The following KHDRBS3 variants were observed in gnomAD, a reference collection of about 807,000 sequenced individuals.
KHDRBS3 encodes the protein KH RNA binding domain containing, signal transduction associated 3.
A neutral mutation model predicts 45.6 loss-of-function variants in KHDRBS3; 23 were observed. The observed-to-expected ratio is 0.50, with a 90% confidence interval of 0.36 to 0.72. KHDRBS3 has a LOEUF of 0.72. KHDRBS3 is among the 30% of genes least tolerant of loss of function. KHDRBS3 has a pLI of 0.00. For missense variants in KHDRBS3, 352 were observed against 424.8 expected (o/e 0.83, Z 1.51); for synonymous variants, 162 against 156.5 (o/e 1.04, Z -0.26).
intron 1 of KHDRBS3, among the ~76,000 whole-genome samples, chr8:135,501,489 G>A (rs1823732920): frequency 6.6e-6 from 1 of 152,100 alleles, no homozygotes; most frequent in Non-Finnish European, 1.5e-5. Context: ...AACTTAAAAG[G>A]TATCAAAGAA....
At chr8:135,567,058 A>G (rs1047027326) in intron 5 of KHDRBS3, among the ~76,000 whole-genome samples, 12 of 152,170 alleles carry the variant, frequency 7.9e-5, no homozygotes, top group South Asian at 2.1e-4. Flanking sequence ...CCTCTGAATT[A>G]ACTGCCTGCA....
intron 1 of KHDRBS3, among the ~76,000 whole-genome samples, chr8:135,471,596 A>G (rs760639020): frequency 1.6e-4 from 24 of 152,238 alleles, no homozygotes; most frequent in Non-Finnish European, 2.2e-4. Context: ...TGCTGCATGG[A>G]GCTTTGTTAT....
chr8:135,615,917 C>G (rs1248227285), intron 7 of KHDRBS3, among the ~76,000 whole-genome samples: 1 of 152,188 alleles, frequency 6.6e-6, no homozygotes, highest in African/African-American at 2.4e-5. Flanking sequence ...AGAAGCAAGA[C>G]TGAGCTTCTC....
At chr8:135,650,393 C>A (rs190348991), downstream of KHDRBS3, among the ~76,000 whole-genome samples, 1 of 152,262 alleles carries the variant, frequency 6.6e-6, no homozygotes, top group African/African-American at 2.4e-5. Context: ...TTTATATTTC[C>A]TCATTTTAGT....
chr8:135,457,823 C>G lies in KHDRBS3; in HGVS notation c.-44C>G, dbSNP rs760802966. The stretch of plus-strand genomic sequence containing the variant: ...GTCGGGGGTTGCCGGGCGCCGCCCC[C>G]CGTGCGCCTGGAGTCCACATCCCGG... On this transcript the variant is annotated 5_prime_UTR_variant, in exon 1 of 9. Transcript: ENST00000355849. The surrounding 1 kb of genome is among the most constrained non-coding windows in gnomAD (Gnocchi z 4.4). 1.5e-6 allele frequency: 2 copies of G among 1,370,790 alleles called. No homozygotes were observed. Among genetic ancestry groups the G allele is most frequent in the Non-Finnish European group, 9.8e-7 (1 of 1,019,720 alleles). The allele number at this position is 1,370,790 out of a possible 1,614,324, so 84.9% of individuals were successfully genotyped here.
chr8:135,501,561 A>G (rs1454891460), intron 1 of KHDRBS3, among the ~76,000 whole-genome samples: 1 of 151,928 alleles, frequency 6.6e-6, no homozygotes, highest in Non-Finnish European at 1.5e-5. Flanking sequence ...TTGAGCTGGA[A>G]GTAAGATTAG....
chr8:135,580,605 C>CTTTTTTTTTTTTTTTT (rs11405340), intron 5 of KHDRBS3, among the ~76,000 whole-genome samples: 1 of 128,874 alleles, frequency 7.8e-6, no homozygotes. Context: ...CTCTCTCTCT[C>CTTTTTTTTTTTTTTTT]TTTTTTTTTT....
intron 7 of KHDRBS3, among the ~76,000 whole-genome samples, chr8:135,608,029 G>A (rs1829543481): frequency 6.6e-6 from 1 of 152,076 alleles, no homozygotes. Context: ...TGTGCCCTTT[G>A]GTGTGTTGAG....
intron 1 of KHDRBS3, among the ~76,000 whole-genome samples, chr8:135,492,801 A>G (rs888879665): frequency 2.6e-5 from 4 of 152,066 alleles, no homozygotes; most frequent in African/African-American, 7.2e-5. Flanking sequence ...TGTATGCAAG[A>G]TCCTTTTGCA....
chr8:135,600,665 T>A (rs550042064), intron 6 of KHDRBS3, among the ~76,000 whole-genome samples: 10 of 152,320 alleles, frequency 6.6e-5, no homozygotes, highest in African/African-American at 2.4e-4. Context: ...ATCTTTGCAG[T>A]ACATTTTGAC....
intron 1 of KHDRBS3, among the ~76,000 whole-genome samples, chr8:135,462,415 C>A (rs377476262): frequency 1.1e-3 from 168 of 151,934 alleles, no homozygotes; most frequent in African/African-American, 3.7e-3. Context: ...TGTGTTGGGT[C>A]CCAGGGGTAG....
chr8:135,467,209 T>C (rs1416309895), intron 1 of KHDRBS3, among the ~76,000 whole-genome samples: 1 of 152,262 alleles, frequency 6.6e-6, no homozygotes, highest in African/African-American at 2.4e-5. Context: ...TAACATAGAA[T>C]ATATTCGTTG....
chr8:135,631,963 A>G (rs1830622794), intron 7 of KHDRBS3, among the ~76,000 whole-genome samples: 1 of 152,224 alleles, frequency 6.6e-6, no homozygotes, highest in African/African-American at 2.4e-5. Context: ...CTACAGCGAT[A>G]GAAATATTTC....
chr8:135,469,518 TTTTGG>T (rs1563699623), intron 1 of KHDRBS3, among the ~76,000 whole-genome samples: 3 of 18,584 alleles, frequency 1.6e-4, no homozygotes, highest in Non-Finnish European at 2.4e-4. Flanking sequence ...TTTTTTTTTG[TTTTGG>T]TTTTTTTTTT....
At chr8:135,475,989 C>T (rs1822261404) in intron 1 of KHDRBS3, among the ~76,000 whole-genome samples, 1 of 152,114 alleles carries the variant, frequency 6.6e-6, no homozygotes, top group Non-Finnish European at 1.5e-5. Flanking sequence ...TTTGTCTTGC[C>T]TCCCACATCA....
intron 1 of KHDRBS3, among the ~76,000 whole-genome samples, chr8:135,518,405 A>C (rs1056299164): frequency 1.3e-5 from 2 of 151,990 alleles, no homozygotes; most frequent in African/African-American, 4.8e-5. Flanking sequence ...CAATCTCCTG[A>C]CCTCGTGATC....
intron 5 of KHDRBS3, among the ~76,000 whole-genome samples, chr8:135,580,759 C>G (rs1222415026): frequency 6.6e-6 from 1 of 151,984 alleles, no homozygotes; most frequent in Non-Finnish European, 1.5e-5. Flanking sequence ...ACTATAGGCA[C>G]ACACCACCGT....
intron 4 of KHDRBS3, among the ~76,000 whole-genome samples, chr8:135,655,724 G>T (rs1242579454): frequency 8.1e-6 from 1 of 123,320 alleles, no homozygotes; most frequent in Admixed American, 8.8e-5. Context: ...CTGCGATTGG[G>T]TTTTTTGTTT....
At chr8:135,508,254 G>A (rs189150500) in intron 1 of KHDRBS3, among the ~76,000 whole-genome samples, 96 of 152,274 alleles carry the variant, frequency 6.3e-4, no homozygotes, top group Non-Finnish European at 1.1e-3. Context: ...AGATATGAAA[G>A]TAATAGAGAA....
Sources: allele counts gnomAD v4.1 joint callset (sites outside exome capture counted in the v4.1 genomes callset), GRCh38; gene constraint gnomAD v4.1.1; non-coding constraint Gnocchi (gnomAD v3.1); transcripts MANE v1.5; gene names NCBI Gene and HGNC (gene_info 2026-07-23, HGNC 2026-07-21).